Variants in LRP1B observed in about 807,000 individuals in gnomAD.
LRP1B encodes the protein LDL receptor related protein 1B.
A neutral mutation model predicts 556.6 loss-of-function variants in LRP1B; 217 were observed. The ratio of observed to expected loss-of-function variants is 0.39; its 90% confidence interval spans 0.35 to 0.44. The LOEUF (loss-of-function observed/expected upper bound fraction) is 0.44. Ranked by LOEUF, LRP1B falls within the 20% of genes least tolerant of loss-of-function variation. The pLI is 1.00. For synonymous variants in LRP1B, 2,047 were observed against 1,865.8 expected (o/e 1.10, Z -2.50); for missense variants, 5,053 against 5,620.8 (o/e 0.90, Z 3.23).
intron 31 of LRP1B, among the ~76,000 whole-genome samples, chr2:140,834,063 T>A (rs969063225): frequency 4.6e-5 from 7 of 152,170 alleles, no homozygotes; most frequent in Non-Finnish European, 2.9e-5. Flanking sequence ...AAGAAAAGCA[T>A]AAAACAACAT....
chr2:141,544,343 C>CCTCTTCTTCTTCTTCTTCTTCTT (rs1685439357), intron 2 of LRP1B, among the ~76,000 whole-genome samples: 1 of 83,464 alleles, frequency 1.2e-5, no homozygotes, highest in African/African-American at 4.6e-5. Flanking sequence ...TCTTCTTCTT[C>CCTCTTCTTCTTCTTCTTCTTCTT]TTCTTCTTCT....
At chr2:141,844,899 A>G (rs957532309) in intron 1 of LRP1B, among the ~76,000 whole-genome samples, 1 of 151,966 alleles carries the variant, frequency 6.6e-6, no homozygotes, top group Non-Finnish European at 1.5e-5. Context: ...ATAGACTTCT[A>G]TATTCTTATT....
At chr2:141,373,135 T>A (rs1689294351) in intron 3 of LRP1B, among the ~76,000 whole-genome samples, 1 of 152,108 alleles carries the variant, frequency 6.6e-6, no homozygotes, top group Non-Finnish European at 1.5e-5. Context: ...TTAATTTCCA[T>A]GTATTTGTAT....
chr2:141,493,416 A>G (rs1683405182), intron 2 of LRP1B, among the ~76,000 whole-genome samples: 1 of 152,208 alleles, frequency 6.6e-6, no homozygotes, highest in African/African-American at 2.4e-5. Flanking sequence ...CAGCTCTTAC[A>G]GTCAGGGTGA....
chr2:140,528,410 C>T (rs1690532397), intron 47 of LRP1B, among the ~76,000 whole-genome samples: 1 of 151,816 alleles, frequency 6.6e-6, no homozygotes, highest in African/African-American at 2.4e-5. Context: ...ATTTAAAAAA[C>T]TGTATTAATA....
At chr2:141,099,574 T>G (rs1278475210) in intron 7 of LRP1B, among the ~76,000 whole-genome samples, 1 of 152,206 alleles carries the variant, frequency 6.6e-6, no homozygotes, top group East Asian at 1.9e-4. Flanking sequence ...CATGCACATC[T>G]CTGCACACTT....
intron 69 of LRP1B, among the ~76,000 whole-genome samples, chr2:140,372,337 G>A (rs1293084511): frequency 1.3e-5 from 2 of 152,008 alleles, no homozygotes; most frequent in Non-Finnish European, 2.9e-5. Flanking sequence ...GCATAGTAAT[G>A]TGTGAGCCTT....
intron 3 of LRP1B, among the ~76,000 whole-genome samples, chr2:141,466,704 T>A (rs1042255805): frequency 3.9e-5 from 6 of 152,060 alleles, no homozygotes; most frequent in Admixed American, 2.0e-4. Flanking sequence ...TTTGCTACCT[T>A]GAGGATGAAA....
intron 77 of LRP1B, among the ~76,000 whole-genome samples, chr2:140,342,620 A>G (rs981998426): frequency 6.6e-6 from 1 of 151,594 alleles, no homozygotes; most frequent in African/African-American, 2.4e-5. Flanking sequence ...TTAATGGTGC[A>G]CAGATCCACA....
intron 33 of LRP1B, among the ~76,000 whole-genome samples, chr2:140,775,467 ATT>A (rs61535948): frequency 0.038 from 4,197 of 111,096 alleles, 85 homozygotes; most frequent in Middle Eastern, 0.046. Context: ...TTTTTGGTTG[ATT>A]TTTTTTTTTT....
chr2:141,431,907 G>A (rs7581652), intron 3 of LRP1B, among the ~76,000 whole-genome samples: 69,774 of 151,788 alleles, frequency 0.46, 16,187 homozygotes, highest in South Asian at 0.6. Flanking sequence ...TCATATACAA[G>A]GAGAGATATT....
At position 141,323,848 on chromosome 2, in the gene LRP1B, G is replaced by A. The variant is rs535192619; in HGVS notation, c.344-69207C>T. Among the ~76,000 whole-genome samples, 9 of 150,474 alleles carry A rather than the reference G, an allele frequency of 6.0e-5. No homozygotes were observed. In the South Asian group the frequency reaches 1.5e-3, roughly 25 times the overall value. ...AAAATAGATGCCATGGTAGTGCAAA[G>A]GAAAACACACACACACATACACACA... On this transcript the variant is annotated intron_variant, in intron 3 of 90. Coordinates refer to ENST00000389484, the MANE Select transcript of LRP1B (RefSeq NM_018557.3).
At chr2:141,543,841 T>G (rs533757796) in intron 2 of LRP1B, among the ~76,000 whole-genome samples, 1 of 152,156 alleles carries the variant, frequency 6.6e-6, no homozygotes, top group Non-Finnish European at 1.5e-5. Flanking sequence ...CCAGGAATAC[T>G]GAGATGAGGA....
chr2:141,122,215 A>C (rs889723175), intron 7 of LRP1B, among the ~76,000 whole-genome samples: 19 of 152,036 alleles, frequency 1.2e-4, no homozygotes, highest in African/African-American at 3.6e-4. Flanking sequence ...TCTAAAACAC[A>C]AAAAGCAATG....
chr2:140,675,608 A>C (rs1685642436), intron 41 of LRP1B, among the ~76,000 whole-genome samples: 1 of 143,624 alleles, frequency 7.0e-6, no homozygotes, highest in South Asian at 2.3e-4. Context: ...TTGCCTCTAC[A>C]AAAGTTAAAA....
chr2:140,327,910 T>C (rs1238436072), intron 79 of LRP1B, among the ~76,000 whole-genome samples: 1 of 151,986 alleles, frequency 6.6e-6, no homozygotes, highest in Non-Finnish European at 1.5e-5. Context: ...TATGGATGAA[T>C]GGAATTTATA....
intron 41 of LRP1B, among the ~76,000 whole-genome samples, chr2:140,602,204 T>TAA (rs11433115): frequency 0.22 from 33,601 of 150,622 alleles, 3,924 homozygotes; most frequent in African/African-American, 0.25. Flanking sequence ...ACTAATGAGA[T>TAA]AAAAAAAAAC....
intron 3 of LRP1B, among the ~76,000 whole-genome samples, chr2:141,415,628 AG>A (rs1224241032): frequency 6.6e-6 from 1 of 152,204 alleles, no homozygotes; most frequent in African/African-American, 2.4e-5. Context: ...TAGAGAAGTT[AG>A]TCTTTGATTC....
chr2:140,518,466 CA>C (rs1233235354), intron 49 of LRP1B, among the ~76,000 whole-genome samples: 2 of 151,660 alleles, frequency 1.3e-5, no homozygotes, highest in East Asian at 3.9e-4. Flanking sequence ...ATGGAGATCA[CA>C]AAAAAGAAAA....
Sources: gnomAD v4.1 joint callset for allele counts (sites outside exome capture counted in the v4.1 genomes callset) on GRCh38, gnomAD v4.1.1 for gene constraint, MANE v1.5 for transcripts, NCBI Gene and HGNC (gene_info 2026-07-23, HGNC 2026-07-21) for gene names.